Variants in ADCY1 observed in about 807,000 individuals in gnomAD.
ADCY1 encodes the protein adenylate cyclase 1, also known as adenylate cyclase type 1.
ADCY1 carries 28 observed loss-of-function variants against 105.4 expected under a neutral mutation model. The observed-to-expected ratio is 0.27, with a 90% confidence interval of 0.20 to 0.36. ADCY1 has a LOEUF of 0.36. Among genes scored for constraint, ADCY1 ranks in the 10% least tolerant of loss-of-function variants. The pLI is 1.00. For synonymous variants in ADCY1, 655 were observed against 623.8 expected (o/e 1.05, Z -0.75); for missense variants, 977 against 1,434.2 (o/e 0.68, Z 5.15).
intron 19 of ADCY1, among the ~76,000 whole-genome samples, chr7:45,711,684 C>A (rs1584348701): frequency 7.4e-6 from 1 of 135,916 alleles, no homozygotes; most frequent in East Asian, 2.1e-4. Context: ...CACATATATA[C>A]ACACACATAT....
chr7:45,664,693 G>GT (rs1007725988), intron 8 of ADCY1: 3,041 of 211,738 alleles, frequency 0.014, no homozygotes, highest in East Asian at 0.027. Flanking sequence ...TTGGTTGCTT[G>GT]TTTTTTTTTT....
Position 45,647,365 on chromosome 7 carries a change from A to G in ADCY1, c.1021-1305A>G, listed in dbSNP as rs1015683004. 2.0e-5 allele frequency among the ~76,000 whole-genome samples: 3 copies of G among 152,210 alleles called. No homozygotes were observed. In the South Asian group the frequency reaches 6.2e-4, roughly 32 times the overall value. On this transcript the variant is annotated intron_variant, in intron 4 of 19. Transcript: ENST00000297323. This position sits in a 1 kb window ranked among gnomAD's most constrained non-coding sequence, Gnocchi z 4.6. ...GGCACAGATGAGCACAGGGGTCATG[A>G]GAGCTGATGATTCTCATTCCAAATG...
At chr7:45,663,559 G>T (rs1795187020) in intron 8 of ADCY1, among the ~76,000 whole-genome samples, 1 of 152,210 alleles carries the variant, frequency 6.6e-6, no homozygotes, top group Non-Finnish European at 1.5e-5. Flanking sequence ...GTGGGCTCAT[G>T]CCTCTAATCC....
intron 5 of ADCY1, among the ~76,000 whole-genome samples, chr7:45,651,509 T>C (rs576937491): frequency 2.9e-4 from 44 of 152,286 alleles, no homozygotes; most frequent in African/African-American, 1.0e-3. Flanking sequence ...ACTTTGGAAA[T>C]ACAAAGTTTC....
At chr7:45,610,288 G>T in intron 2 of ADCY1, 91 bp from the exon 3 acceptor site, 1 of 1,172,114 alleles carries the variant, frequency 8.5e-7, no homozygotes, top group South Asian at 1.4e-5. Context: ...CCAGGCTCAG[G>T]GGCCCGGCGC....
chr7:45,651,568 A>G (rs1226825494), intron 5 of ADCY1, among the ~76,000 whole-genome samples: 4 of 152,128 alleles, frequency 2.6e-5, no homozygotes, highest in Non-Finnish European at 5.9e-5. Flanking sequence ...GCAGGGCTCC[A>G]TGCTGGGCCT....
intron 4 of ADCY1, among the ~76,000 whole-genome samples, chr7:45,624,080 A>G (rs1793983481): frequency 6.6e-6 from 1 of 152,152 alleles, no homozygotes; most frequent in Non-Finnish European, 1.5e-5. Context: ...GACAGTGAAG[A>G]GTCTTGAGGG....
At chr7:45,576,453 C>T (rs1792351953) in intron 1 of ADCY1, among the ~76,000 whole-genome samples, 1 of 151,392 alleles carries the variant, frequency 6.6e-6, no homozygotes, top group Non-Finnish European at 1.5e-5. Flanking sequence ...TGGGCAGGGG[C>T]GGGAGGGAAG....
At position 45,720,677 on chromosome 7, in the gene ADCY1, AAT is replaced by A. The variant is rs1258431795; in HGVS notation, c.*6685_*6686del. On this transcript the variant is annotated 3_prime_UTR_variant, in exon 20 of 20. Coordinates refer to ENST00000297323, the MANE Select transcript of ADCY1 (RefSeq NM_021116.4). ...TTTCCTTCTACCCGTCACCAGATTC[AAT>A]ATGTTCTATTAATACACCGATAACC... is the stretch of plus-strand genomic sequence containing the variant. 1 of 152,136 alleles carries A rather than the reference AAT, an allele frequency of 6.6e-6. No homozygotes were observed. Among genetic ancestry groups the A allele is most frequent in the Non-Finnish European group, 1.5e-5 (1 of 68,034 alleles). 9.4% of individuals were successfully genotyped at this position (152,136 alleles called of 1,614,324 possible).
At chr7:45,652,459 A>G (rs141607636) in intron 5 of ADCY1, among the ~76,000 whole-genome samples, 32 of 152,340 alleles carry the variant, frequency 2.1e-4, no homozygotes, top group African/African-American at 7.5e-4. Context: ...GCAGGCAAGC[A>G]TGCAGCCAGA....
At chr7:45,667,565 T>G (rs1784285664) in intron 8 of ADCY1, among the ~76,000 whole-genome samples, 1 of 152,228 alleles carries the variant, frequency 6.6e-6, no homozygotes, top group African/African-American at 2.4e-5. Flanking sequence ...GGTGGCATGA[T>G]GCCTCCAGCT....
chr7:45,646,213 G>A (rs1211237582), intron 4 of ADCY1, among the ~76,000 whole-genome samples: 1 of 152,126 alleles, frequency 6.6e-6, no homozygotes, highest in Admixed American at 6.5e-5. Flanking sequence ...GGGCCTGGAG[G>A]CTCTGGTGAG....
chr7:45,672,980 C>T (rs1349266530), intron 8 of ADCY1, among the ~76,000 whole-genome samples: 1 of 152,036 alleles, frequency 6.6e-6, no homozygotes, highest in African/African-American at 2.4e-5. Context: ...GAGAAGTTCC[C>T]CCTCAATTCC....
chr7:45,590,507 G>T (rs2115766206), intron 1 of ADCY1, among the ~76,000 whole-genome samples: 1 of 152,180 alleles, frequency 6.6e-6, no homozygotes, highest in South Asian at 2.1e-4. Flanking sequence ...CCCTGCTCTG[G>T]CCCTGACCCT....
At chr7:45,690,033 G>T (rs1446758797) in intron 14 of ADCY1, among the ~76,000 whole-genome samples, 2 of 152,242 alleles carry the variant, frequency 1.3e-5, no homozygotes, top group Non-Finnish European at 2.9e-5. Context: ...GTCTCCAAAG[G>T]TGGTCTGACA....
intron 4 of ADCY1, among the ~76,000 whole-genome samples, chr7:45,637,256 T>G (rs1020753277): frequency 6.6e-6 from 1 of 152,204 alleles, no homozygotes; most frequent in Non-Finnish European, 1.5e-5. Context: ...TTCCCATACA[T>G]TTTACTTTTT....
In ADCY1 at chr7:45,722,130, CAG is replaced by C. The variant is rs1043452560; in HGVS notation, c.*8136_*8137del. 4 of 305,386 alleles carry C rather than the reference CAG, an allele frequency of 1.3e-5. No individual in the cohort carries two copies. Among genetic ancestry groups the C allele is most frequent in the African/African-American group, 4.3e-5 (2 of 46,806 alleles). The allele number at this position is 305,386 out of a possible 1,614,324, so 18.9% of individuals were successfully genotyped here. ...CCCCAGGCACACGAAGCACAAGTCT[CAG>C]GGGACCATTCCCACATTGGGGGATC... On this transcript the variant is annotated 3_prime_UTR_variant, in exon 20 of 20. Coordinates refer to ENST00000297323, the MANE Select transcript of ADCY1 (RefSeq NM_021116.4).
intron 18 of ADCY1, among the ~76,000 whole-genome samples, chr7:45,709,561 T>C (rs1378220533): frequency 1.3e-5 from 2 of 152,206 alleles, no homozygotes; most frequent in Admixed American, 1.3e-4. Flanking sequence ...CATGCCCACC[T>C]TCCCCAGCTC....
intron 14 of ADCY1, among the ~76,000 whole-genome samples, chr7:45,696,461 GGAAAA>G (rs1784884850): frequency 7.1e-6 from 1 of 140,096 alleles, no homozygotes; most frequent in Non-Finnish European, 1.6e-5. Flanking sequence ...AAAAAAAAAA[GGAAAA>G]GAAAAATCCA....
Sources: allele counts gnomAD v4.1 joint callset (sites outside exome capture counted in the v4.1 genomes callset), GRCh38; gene constraint gnomAD v4.1.1; non-coding constraint Gnocchi (gnomAD v3.1); transcripts MANE v1.5; gene names NCBI Gene and HGNC (gene_info 2026-07-23, HGNC 2026-07-21).